ARID3A: variants seen among roughly 807,000 people sequenced by gnomAD.
The protein encoded by ARID3A is AT-rich interactive domain-containing protein 3A.
ARID3A carries 11 observed loss-of-function variants against 52.7 expected under a neutral mutation model. The observed-to-expected ratio is 0.21, with a 90% CI of 0.13 to 0.35. The LOEUF (loss-of-function observed/expected upper bound fraction) is 0.35. Among genes scored for constraint, ARID3A ranks in the 10% least tolerant of loss-of-function variants. The probability of loss-of-function intolerance (pLI) is 1.00; values close to 1 mark genes in which losing one functional copy is unlikely to be tolerated. For missense variants in ARID3A, 721 were observed against 838.5 expected (o/e 0.86, Z 1.73); for synonymous variants, 404 against 359.4 (o/e 1.12, Z -1.40).
rs771388975 is a variant in ARID3A at position 959,313 on chromosome 19, G to A, written c.694-779G>A. Among the ~76,000 whole-genome samples the A allele has an allele frequency of 4.6e-5, 7 of 152,068 alleles. No individual in the cohort carries two copies. Among genetic ancestry groups the A allele is most frequent in the African/African-American group, 9.7e-5 (4 of 41,392 alleles). On this transcript the variant is annotated intron_variant, in intron 3 of 8. Coordinates refer to ENST00000263620, the MANE Select transcript of ARID3A (RefSeq NM_005224.3). The surrounding 1 kb of genome is among the most constrained non-coding windows in gnomAD (Gnocchi z 5.0). ...TTTAGAGACAGGGTTGCGTTCTGTC[G>A]CCCAGGCTGGAGTGCAGTGGTGCGG... is the stretch of plus-strand genomic sequence containing the variant.
intron 6 of ARID3A, among the ~76,000 whole-genome samples, chr19:965,672 C>G (rs1023663595): frequency 6.6e-6 from 1 of 152,046 alleles, no homozygotes; most frequent in Non-Finnish European, 1.5e-5. Flanking sequence ...ACAGCCTGAG[C>G]AACAGTAGTG....
At position 947,300 on chromosome 19, in the gene ARID3A, C is replaced by A. The variant is rs370314280; in HGVS notation, c.694-12792C>A. Reference sequence around the variant, plus strand: ...TCGGCGGAGACTCTATTAGGGACTGCGGGCCCCAGATTTCCACGTCATATC... The same window carrying A: ...TCGGCGGAGACTCTATTAGGGACTGAGGGCCCCAGATTTCCACGTCATATC... On this transcript the variant is annotated intron_variant, in intron 3 of 8. Transcript: ENST00000263620. This position sits in a 1 kb window ranked among gnomAD's most constrained non-coding sequence, Gnocchi z 6.3. Among the ~76,000 whole-genome samples the A allele has an allele frequency of 4.5e-3, 689 of 152,248 alleles. 4 individuals carry two copies. The highest frequency in any genetic ancestry group is 0.034 in the South Asian group (165 of 4,826).
rs2038123503 is a variant in ARID3A at position 965,190 on chromosome 19, T to C, written c.1198+110T>C. On this transcript the variant is annotated intron_variant, in intron 6 of 8. Coordinates refer to ENST00000263620, the MANE Select transcript of ARID3A (RefSeq NM_005224.3). ...TCTGGGTAACCAGGATGAAAAACCC[T>C]ATAGTTGGCATGGAAAAGGGCTTCC... 14 of 1,302,126 alleles carry C rather than the reference T, an allele frequency of 1.1e-5. No homozygotes were observed. The South Asian group carries it at 2.2e-4, about 20-fold the overall frequency. The allele number at this position is 1,302,126 out of a possible 1,614,324, so 80.7% of individuals were successfully genotyped here. A position where few individuals can be genotyped will look rare whatever the true frequency, so the allele number is the denominator to read the frequency against.
At chr19:962,802 A>G (rs1194802440) in intron 4 of ARID3A, among the ~76,000 whole-genome samples, 1 of 152,148 alleles carries the variant, frequency 6.6e-6, no homozygotes, top group Non-Finnish European at 1.5e-5. Context: ...GGCTTGAGCC[A>G]CCGCGCCCGG....
At position 930,565 on chromosome 19, in the gene ARID3A, A is replaced by G. The variant is rs182748300; in HGVS notation, c.368+669A>G. Among the ~76,000 whole-genome samples the G allele has an allele frequency of 3.7e-3, 534 of 145,020 alleles. 3 individuals carry two copies. Among genetic ancestry groups the G allele is most frequent in the Middle Eastern group, 7.0e-3 (2 of 286 alleles). Reference sequence around the variant, plus strand: ...GCTCTTTTCGCCCAGGCTGGAGTGCAGTGGCGTGATCTCAGCTCACTGCAA... The same window carrying G: ...GCTCTTTTCGCCCAGGCTGGAGTGCGGTGGCGTGATCTCAGCTCACTGCAA... On this transcript the variant is annotated intron_variant, in intron 2 of 8. Transcript: ENST00000263620.
intron 1 of ARID3A, among the ~76,000 whole-genome samples, chr19:927,787 C>T (rs1329993509): frequency 6.6e-6 from 1 of 152,150 alleles, no homozygotes; most frequent in East Asian, 1.9e-4. Context: ...CAACCCAGCG[C>T]TATGGCCCTG....
upstream of ARID3A, chr19:925,998 G>C (rs1450632636): frequency 6.6e-6 from 1 of 151,258 alleles, no homozygotes; most frequent in African/African-American, 2.4e-5. Context: ...GGCCGGCCGC[G>C]CGCGGGGCGC....
At chr19:951,529 C>T (rs1370445818) in intron 3 of ARID3A, among the ~76,000 whole-genome samples, 3 of 151,852 alleles carry the variant, frequency 2.0e-5, no homozygotes, top group Non-Finnish European at 1.5e-5. Context: ...CCAGCCTGGG[C>T]GACAGAGTAA....
At chr19:940,805 G>T (rs2037533542) in intron 3 of ARID3A, among the ~76,000 whole-genome samples, 1 of 152,132 alleles carries the variant, frequency 6.6e-6, no homozygotes, top group Non-Finnish European at 1.5e-5. Flanking sequence ...GAGCCGCCGG[G>T]AGGGCTGTCG....
In ARID3A at chr19:929,439, C is replaced by CCCCA; in HGVS notation, c.-88_-87insCACC. The CCCCA allele has an allele frequency of 3.2e-6, 4 of 1,250,604 alleles. No individual in the cohort carries two copies. The highest frequency in any genetic ancestry group is 4.1e-6 in the Non-Finnish European group (4 of 984,866). The allele number at this position is 1,250,604 out of a possible 1,614,324, so 77.5% of individuals were successfully genotyped here. On this transcript the variant is annotated 5_prime_UTR_variant, in exon 2 of 9. Transcript: ENST00000263620. This position sits in a 1 kb window ranked among gnomAD's most constrained non-coding sequence, Gnocchi z 6.2. ...CCCCACGCTGCAGTGCGGCCGGGCC[C>CCCCA]CCTCCCCGCAGGGGCCGCCCCCGCC...
In ARID3A at chr19:975,007, C is replaced by T. The variant is rs1192812790; in HGVS notation, c.*2942C>T. The T allele has an allele frequency of 6.5e-5, 15 of 232,226 alleles. No homozygotes were observed. The highest frequency in any genetic ancestry group is 1.8e-4 in the South Asian group (1 of 5,530). 14.4% of individuals were successfully genotyped at this position (232,226 alleles called of 1,614,324 possible). ...CGGTCCTGGATACTCGGCAGGAAGC[C>T]GTGTCTGCAGAGGCTCCTCCCTGCC... On this transcript the variant is annotated 3_prime_UTR_variant, in exon 9 of 9. Coordinates refer to ENST00000263620, the MANE Select transcript of ARID3A (RefSeq NM_005224.3).
chr19:955,163 G>T (rs1415186961), intron 3 of ARID3A, among the ~76,000 whole-genome samples: 6 of 152,178 alleles, frequency 3.9e-5, no homozygotes, highest in Admixed American at 2.0e-4. Context: ...CCGGGATCTG[G>T]CCCACAAGGG....
chr19:944,344 G>A lies in ARID3A; in HGVS notation c.693+11602G>A, dbSNP rs61055139. 0.045 allele frequency among the ~76,000 whole-genome samples: 6,807 copies of A among 152,058 alleles called. 327 individuals are homozygous for A. Among genetic ancestry groups the A allele is most frequent in the African/African-American group, 0.12 (5,122 of 41,446 alleles). On this transcript the variant is annotated intron_variant, in intron 3 of 8. Transcript: ENST00000263620. This position sits in a 1 kb window ranked among gnomAD's most constrained non-coding sequence, Gnocchi z 5.9. ...CCAGGGGGTGTGTGTGTGTGTGTGTGTGTGTCTGCGTGGGAGTGTCTGGCT... is the reference window on the plus strand; with the variant it reads ...CCAGGGGGTGTGTGTGTGTGTGTGTATGTGTCTGCGTGGGAGTGTCTGGCT...
At position 966,739 on chromosome 19, in the gene ARID3A, G is replaced by A; in HGVS notation, c.1366G>A (p.Ala456Thr). The A allele has an allele frequency of 6.2e-7, 1 of 1,612,888 alleles. No individual in the cohort carries two copies. The highest frequency in any genetic ancestry group is 8.5e-7 in the Non-Finnish European group (1 of 1,179,830). The stretch of plus-strand genomic sequence containing the variant: ...ACAGCTGCGGGAGAAGCTGGAGTCT[G>A]CAGAGCCTCCGGAGAAGAAGATGGC... ...LEQLREKLES[A>T]EPPEKKMALV... is the part of the protein sequence containing the mutation. Residue 456 changes from alanine to threonine, a missense_variant, in exon 7 of 9, where the codon GCA becomes ACA. Ala to Thr is a moderately conservative substitution (Grantham distance 58). Coordinates refer to ENST00000263620, the MANE Select transcript of ARID3A (RefSeq NM_005224.3).
intron 3 of ARID3A, among the ~76,000 whole-genome samples, chr19:935,461 C>G (rs867078651): frequency 2.6e-5 from 4 of 152,270 alleles, no homozygotes; most frequent in South Asian, 4.1e-4. Context: ...TAGAAAGCGG[C>G]CACGGTAGGA....
At chr19:948,124 G>A (rs761178900) in intron 3 of ARID3A, among the ~76,000 whole-genome samples, 2 of 151,954 alleles carry the variant, frequency 1.3e-5, no homozygotes, top group African/African-American at 4.8e-5. Context: ...GGTCGGGGCC[G>A]CCTGTCCCCT....
chr19:961,346 G>A (rs1233985052), intron 4 of ARID3A, among the ~76,000 whole-genome samples: 1 of 152,196 alleles, frequency 6.6e-6, no homozygotes, highest in Non-Finnish European at 1.5e-5. Context: ...ACTGCCCAGC[G>A]GCCTCCGAGT....
rs2037576905 is a variant in ARID3A at position 942,457 on chromosome 19, G to A, written c.693+9715G>A. The stretch of plus-strand genomic sequence containing the variant: ...CCGACCTGGTGGGTGGCACACGGGG[G>A]GCGGGTGCGGACCGCCTCTTCTCCG... On this transcript the variant is annotated intron_variant, in intron 3 of 8. Transcript: ENST00000263620. This position sits in a 1 kb window ranked among gnomAD's most constrained non-coding sequence, Gnocchi z 8.1. Among the ~76,000 whole-genome samples the A allele has an allele frequency of 6.6e-6, 1 of 152,222 alleles. No individual in the cohort carries two copies. Among genetic ancestry groups the A allele is most frequent in the South Asian group, 2.1e-4 (1 of 4,830 alleles).
intron 4 of ARID3A, among the ~76,000 whole-genome samples, chr19:962,419 C>T (rs2038060673): frequency 6.6e-6 from 1 of 151,926 alleles, no homozygotes; most frequent in Non-Finnish European, 1.5e-5. Flanking sequence ...ACGACGGGCC[C>T]TGGTGATGCT....
Sources: allele counts gnomAD v4.1 joint callset (sites outside exome capture counted in the v4.1 genomes callset), GRCh38; gene constraint gnomAD v4.1.1; non-coding constraint Gnocchi (gnomAD v3.1); transcripts MANE v1.5; gene names NCBI Gene and HGNC (gene_info 2026-07-23, HGNC 2026-07-21).